The following ZFP62 variants were observed in gnomAD, a reference collection of about 807,000 sequenced individuals.
ZFP62 encodes ZFP62 zinc finger protein, also known as zinc finger protein 62 homolog.
A neutral mutation model predicts 56.4 loss-of-function variants in ZFP62; 44 were observed. The ratio of observed to expected loss-of-function variants is 0.78; its 90% confidence interval spans 0.61 to 1.00. ZFP62 has a LOEUF of 1.00. Among genes scored for constraint, ZFP62 ranks in the 50% least tolerant of loss-of-function variants. The pLI, the probability that ZFP62 is intolerant of heterozygous loss-of-function variation, is 0.00. For missense variants in ZFP62, 1,030 were observed against 1,085.7 expected (o/e 0.95, Z 0.72); for synonymous variants, 421 against 388.9 (o/e 1.08, Z -0.97).
At chr5:180,838,757 G>A in the ZFP62 span, among the ~76,000 whole-genome samples, 1 of 152,164 alleles carries the variant, frequency 6.6e-6, no homozygotes, top group Admixed American at 6.5e-5. Flanking sequence ...TTTGGTAAAA[G>A]GTGAAAAATG....
At chr5:180,853,685 C>G (rs1237412413) in intron 1 of ZFP62, among the ~76,000 whole-genome samples, 1 of 152,130 alleles carries the variant, frequency 6.6e-6, no homozygotes. Context: ...AACTTAGAAA[C>G]GTATTTGACT....
At chr5:180,844,608 G>C (rs1294944719), downstream of ZFP62, among the ~76,000 whole-genome samples, 1 of 152,200 alleles carries the variant, frequency 6.6e-6, no homozygotes, top group African/African-American at 2.4e-5. Context: ...AAAGGCAAGC[G>C]TGAGGCAGCC....
At chr5:180,841,656 C>T in the ZFP62 span, among the ~76,000 whole-genome samples, 1 of 152,158 alleles carries the variant, frequency 6.6e-6, no homozygotes, top group African/African-American at 2.4e-5. Flanking sequence ...GAGTCAACAT[C>T]AGAGAAAGCA....
At chr5:180,832,471 A>G in the ZFP62 span, among the ~76,000 whole-genome samples, 1 of 152,228 alleles carries the variant, frequency 6.6e-6, no homozygotes, top group Non-Finnish European at 1.5e-5. Flanking sequence ...CTGATTTCCA[A>G]AACTCTAGGA....
intron 1 of ZFP62, among the ~76,000 whole-genome samples, chr5:180,859,934 T>C (rs1774215387): frequency 6.6e-6 from 1 of 152,242 alleles, no homozygotes; most frequent in African/African-American, 2.4e-5. Flanking sequence ...GAGTATACCA[T>C]TGTTTGAAGT....
rs1185631377 is a variant in ZFP62, at chr5:180,850,317, T to A, written c.1178A>T (p.Tyr393Phe). Residue 393 changes from tyrosine (Y) to phenylalanine (F), a missense_variant, in exon 2 of 2, where the codon TAC becomes TTC. Physicochemically the swap from Tyr to Phe is conservative, Grantham distance 22. Transcript: ENST00000502412. ...HKRIHTGEKP[Y>F]KCDVCGKAFS... ...TGCTTTGCCACAGACATCACACTTGTAAGGTTTCTCTCCTGTGTGGATCCT... is the reference window on the plus strand; with the variant it reads ...TGCTTTGCCACAGACATCACACTTGAAAGGTTTCTCTCCTGTGTGGATCCT... 3.2e-6 allele frequency: 5 copies of A among 1,568,786 alleles called. No homozygotes were observed. The highest frequency in any genetic ancestry group is 4.3e-6 in the Non-Finnish European group (5 of 1,157,004).
At position 180,850,328 on chromosome 5, in the gene ZFP62, T is replaced by C; in HGVS notation, c.1167A>G (p.Gly389=). 6.4e-7 allele frequency: 1 copy of C among 1,570,666 alleles called. No homozygotes were observed. Among genetic ancestry groups the C allele is most frequent in the Non-Finnish European group, 8.6e-7 (1 of 1,157,994 alleles). ...AGACATCACACTTGTAAGGTTTCTC[T>C]CCTGTGTGGATCCTTTTATGCACTA... ...GLIVHKRIHT[G]EKPYKCDVCG... is the part of the protein sequence containing the mutation. The change falls in exon 2 of 2, where the codon GGA becomes GGG. Residue 389 remains glycine, a synonymous_variant. Coordinates refer to ENST00000502412, the MANE Select transcript of ZFP62 (RefSeq NM_001172638.2).
chr5:180,827,811 A>T, the ZFP62 span, among the ~76,000 whole-genome samples: 1 of 152,238 alleles, frequency 6.6e-6, no homozygotes, highest in African/African-American at 2.4e-5. Flanking sequence ...AACCCAATTT[A>T]CGTTCCATCT....
At chr5:180,827,550 C>T in the ZFP62 span, among the ~76,000 whole-genome samples, 1 of 152,218 alleles carries the variant, frequency 6.6e-6, no homozygotes, top group East Asian at 1.9e-4. Flanking sequence ...CCCAGGGACA[C>T]AAACACTGCG....
At chr5:180,856,181 C>T (rs1480699602) in intron 1 of ZFP62, among the ~76,000 whole-genome samples, 1 of 152,234 alleles carries the variant, frequency 6.6e-6, no homozygotes, top group Non-Finnish European at 1.5e-5. Context: ...TGTTCTGGCT[C>T]TGCTTAAACC....
In ZFP62 at chr5:180,850,163, G is replaced by C. The variant is rs142615182; in HGVS notation, c.1332C>G (p.Thr444=). 3 of 1,551,736 alleles carry C rather than the reference G, an allele frequency of 1.9e-6. No homozygotes were observed. Among genetic ancestry groups the C allele is most frequent in the South Asian group, 2.4e-5 (2 of 84,060 alleles). ...SLLLQHRTIH[T]GERPYVCDVC... is the part of the protein sequence containing the mutation. ...CATCACATACATAAGGTCTCTCTCC[G>C]GTATGAATAGTTCTGTGTTGAAGAA... is the stretch of plus-strand genomic sequence containing the variant. The change falls in exon 2 of 2, where the codon ACC becomes ACG. Residue 444 remains threonine, a synonymous_variant. Coordinates refer to ENST00000502412, the MANE Select transcript of ZFP62 (RefSeq NM_001172638.2).
rs376509887 is a variant in ZFP62, at chr5:180,850,227, C to T, written c.1268G>A (p.Cys423Tyr). The T allele has an allele frequency of 6.4e-7, 1 of 1,553,416 alleles. No individual in the cohort carries two copies. The highest frequency in any genetic ancestry group is 8.7e-7 in the Non-Finnish European group (1 of 1,148,036). Residue 423 changes from cysteine (C) to tyrosine (Y), a missense_variant, in exon 2 of 2, where the codon TGT becomes TAT. Physicochemically the swap from Cys to Tyr is radical, Grantham distance 194. Coordinates refer to ENST00000502412, the MANE Select transcript of ZFP62 (RefSeq NM_001172638.2). ...ACTAAAGGATTTCCCACACTCCTTA[C>T]ATTCATGGGCTTTCTTCCCAGGGTG... ...SIHPGKKAHE[C>Y]KECGKSFSYN...
At chr5:180,840,717 C>T in the ZFP62 span, among the ~76,000 whole-genome samples, 1 of 151,896 alleles carries the variant, frequency 6.6e-6, no homozygotes, top group African/African-American at 2.4e-5. Context: ...GATCCCGCCA[C>T]TGCACTCTAT....
chr5:180,840,255 C>G, the ZFP62 span, among the ~76,000 whole-genome samples: 1 of 152,188 alleles, frequency 6.6e-6, no homozygotes, highest in Non-Finnish European at 1.5e-5. Context: ...AGATCCCTGG[C>G]TTCTCCTAAA....
chr5:180,827,998 C>T, the ZFP62 span, among the ~76,000 whole-genome samples: 1 of 152,190 alleles, frequency 6.6e-6, no homozygotes, highest in Non-Finnish European at 1.5e-5. Flanking sequence ...GACTCTCTCC[C>T]CGCTATTGTC....
the ZFP62 span, chr5:180,831,185 C>CCCG: frequency 5.3e-4 from 82 of 154,978 alleles, no homozygotes; most frequent in East Asian, 0.01. Flanking sequence ...GTTCTCACAG[C>CCCG]CCGCCGCCGC....
At chr5:180,828,670 C>T in the ZFP62 span, among the ~76,000 whole-genome samples, 1 of 152,048 alleles carries the variant, frequency 6.6e-6, no homozygotes, top group Non-Finnish European at 1.5e-5. Flanking sequence ...GATTATAAAA[C>T]GTGTGTTTGA....
At chr5:180,861,131 G>C in intron 1 of ZFP62, 88 bp downstream of exon 1, 1 of 398,964 alleles carries the variant, frequency 2.5e-6, no homozygotes, top group Non-Finnish European at 4.4e-6. Flanking sequence ...CCCGAGACCC[G>C]CGGAGCAGCC....
At chr5:180,832,618 T>C in the ZFP62 span, 1 of 152,252 alleles carries the variant, frequency 6.6e-6, no homozygotes, top group Non-Finnish European at 1.5e-5. Context: ...TTTTAAATTC[T>C]AAGACAGTGT....
Sources: gnomAD v4.1 joint callset for allele counts (sites outside exome capture counted in the v4.1 genomes callset) on GRCh38, gnomAD v4.1.1 for gene constraint, MANE v1.5 for transcripts, NCBI Gene and HGNC (gene_info 2026-07-23, HGNC 2026-07-21) for gene names.